Variants in SHANK2 observed in about 807,000 individuals in gnomAD.
SHANK2 encodes the protein SH3 and multiple ankyrin repeat domains protein 2.
In SHANK2, 43 loss-of-function variants were observed where a neutral mutation model predicts 133.7. The ratio of observed to expected loss-of-function variants is 0.32; its 90% CI spans 0.25 to 0.41. The LOEUF (loss-of-function observed/expected upper bound fraction) is 0.41. Among genes scored for constraint, SHANK2 ranks in the 10% least tolerant of loss-of-function variants. SHANK2 has a pLI of 1.00. For missense variants in SHANK2, 1,994 were observed against 2,235.8 expected (o/e 0.89, Z 2.18); for synonymous variants, 1,017 against 952.8 (o/e 1.07, Z -1.24).
intron 1 of SHANK2, among the ~76,000 whole-genome samples, chr11:71,243,806 C>G (rs1954924303): frequency 6.6e-6 from 1 of 152,132 alleles, no homozygotes; most frequent in Admixed American, 6.5e-5. Context: ...CACAAACTAA[C>G]AAACTTGACT....
At chr11:71,198,921 C>T (rs782259122) in intron 2 of SHANK2, among the ~76,000 whole-genome samples, 58 of 152,184 alleles carry the variant, frequency 3.8e-4, no homozygotes, top group Admixed American at 2.6e-4. Context: ...CTGTGATGCT[C>T]GGCCCAGCAT....
At position 70,480,376 on chromosome 11, in the gene SHANK2, T is replaced by C. The variant is rs190147283; in HGVS notation, c.4979+4938A>G. 8.7e-4 allele frequency among the ~76,000 whole-genome samples: 132 copies of C among 152,332 alleles called. 1 individual carries two copies. The highest frequency in any genetic ancestry group is 1.4e-3 in the Non-Finnish European group (94 of 68,042). On this transcript the variant is annotated intron_variant, in intron 25 of 25. Coordinates refer to ENST00000601538, the MANE Select transcript of SHANK2 (RefSeq NM_012309.5). The stretch of plus-strand genomic sequence containing the variant: ...CTGCTAGGGCATCCTAGTCCGCCCT[T>C]TCTGCATGTGGTCAGGGTTAACCTG...
chr11:71,111,494 A>C (rs1331205846), intron 5 of SHANK2, among the ~76,000 whole-genome samples: 2 of 152,196 alleles, frequency 1.3e-5, no homozygotes, highest in Non-Finnish European at 2.9e-5. Flanking sequence ...GCCCATCCAG[A>C]GCCAGTCTGG....
At chr11:70,622,196 C>T (rs1392119528) in intron 17 of SHANK2, among the ~76,000 whole-genome samples, 2 of 152,162 alleles carry the variant, frequency 1.3e-5, no homozygotes, top group Non-Finnish European at 2.9e-5. Context: ...ATGGAATGGA[C>T]GTCTCCAATC....
intron 11 of SHANK2, among the ~76,000 whole-genome samples, chr11:70,884,983 A>C (rs1949715473): frequency 1.3e-5 from 2 of 152,178 alleles, no homozygotes; most frequent in African/African-American, 2.4e-5. Context: ...AGCCTACCAA[A>C]GTGCTGGGAT....
chr11:71,069,250 T>C (rs1160030116), intron 9 of SHANK2, among the ~76,000 whole-genome samples: 1 of 150,586 alleles, frequency 6.6e-6, no homozygotes, highest in Non-Finnish European at 1.5e-5. Context: ...TTACCATGGT[T>C]ACTGTCACCA....
intron 12 of SHANK2, among the ~76,000 whole-genome samples, chr11:70,808,312 C>T (rs1158771894): frequency 1.3e-5 from 2 of 152,054 alleles, no homozygotes; most frequent in African/African-American, 4.8e-5. Flanking sequence ...AGCGATTCTC[C>T]TGCCTCAGCC....
At chr11:70,617,068 AGT>A (rs1387533347) in intron 17 of SHANK2, among the ~76,000 whole-genome samples, 2 of 150,748 alleles carry the variant, frequency 1.3e-5, no homozygotes, top group African/African-American at 4.9e-5. Context: ...GCAGTGTCTG[AGT>A]GTGTGTATAT....
intron 11 of SHANK2, among the ~76,000 whole-genome samples, chr11:70,880,092 G>A (rs1004514626): frequency 2.0e-5 from 3 of 152,182 alleles, no homozygotes; most frequent in Non-Finnish European, 2.9e-5. Context: ...CAAGCTCCCC[G>A]GCTAGCCTTG....
At chr11:71,167,305 CA>C (rs1953173695) in intron 2 of SHANK2, among the ~76,000 whole-genome samples, 1 of 152,258 alleles carries the variant, frequency 6.6e-6, no homozygotes, top group African/African-American at 2.4e-5. Flanking sequence ...CTGTTGGGTA[CA>C]CCTCCCAGAC....
chr11:71,104,536 G>A (rs184029196), intron 6 of SHANK2, among the ~76,000 whole-genome samples: 1 of 152,342 alleles, frequency 6.6e-6, no homozygotes, highest in East Asian at 1.9e-4. Context: ...CTGGCCTCTC[G>A]TTGGAACTTG....
chr11:70,724,902 C>T (rs546584154), intron 14 of SHANK2, among the ~76,000 whole-genome samples: 1 of 152,306 alleles, frequency 6.6e-6, no homozygotes, highest in East Asian at 1.9e-4. Flanking sequence ...ATACACCCTA[C>T]AGGGGAGGAG....
intron 14 of SHANK2, among the ~76,000 whole-genome samples, chr11:70,775,882 G>A (rs1555043833): frequency 2.0e-5 from 3 of 152,216 alleles, no homozygotes; most frequent in South Asian, 2.1e-4. Flanking sequence ...GTTTCCCATC[G>A]TCTATTTCAG....
At chr11:70,527,168 A>G (rs1264839994) in intron 17 of SHANK2, among the ~76,000 whole-genome samples, 1 of 152,054 alleles carries the variant, frequency 6.6e-6, no homozygotes, top group African/African-American at 2.4e-5. Flanking sequence ...GGGGAGGGAG[A>G]GCCCAGAGAC....
intron 11 of SHANK2, among the ~76,000 whole-genome samples, chr11:70,867,571 G>A (rs1047506081): frequency 2.0e-5 from 3 of 152,254 alleles, no homozygotes; most frequent in Admixed American, 6.5e-5. Flanking sequence ...AGTCTGCCCA[G>A]GCCACCGGCT....
intron 14 of SHANK2, among the ~76,000 whole-genome samples, chr11:70,708,017 G>A (rs1249640182): frequency 6.6e-6 from 1 of 152,222 alleles, no homozygotes; most frequent in Non-Finnish European, 1.5e-5. Context: ...CACAGCTGGG[G>A]CGACAAGGCT....
intron 11 of SHANK2, among the ~76,000 whole-genome samples, chr11:70,891,049 T>C (rs896664804): frequency 2.0e-5 from 3 of 152,100 alleles, no homozygotes; most frequent in South Asian, 2.1e-4. Flanking sequence ...CTTCAGGACC[T>C]GCCATTTCAG....
intron 17 of SHANK2, among the ~76,000 whole-genome samples, chr11:70,515,886 A>G (rs1554969977): frequency 6.6e-6 from 1 of 152,150 alleles, no homozygotes; most frequent in Admixed American, 6.5e-5. Context: ...TGATCATTTC[A>G]GAAAGAACAT....
At position 71,252,576 on chromosome 11, in the gene SHANK2, A is replaced by AGGACCC. The variant is rs1555126037; in HGVS notation, c.-265_-264insGGGTCC. 1.3e-5 allele frequency: 2 copies of AGGACCC among 150,470 alleles called. No homozygotes were observed. Among genetic ancestry groups the AGGACCC allele is most frequent in the African/African-American group, 4.9e-5 (2 of 41,192 alleles). 9.3% of individuals were successfully genotyped at this position (150,470 alleles called of 1,614,324 possible). On this transcript the variant is annotated 5_prime_UTR_variant, in exon 1 of 26. Coordinates refer to ENST00000601538, the MANE Select transcript of SHANK2 (RefSeq NM_012309.5). This position sits in a 1 kb window ranked among gnomAD's most constrained non-coding sequence, Gnocchi z 6.3. ...GCGGCTCAGGTGCAGGGGGTGGGGA[A>AGGACCC]GGACCCGGCCCCGCCCGGCGCGGGA...
Sources: allele counts gnomAD v4.1 joint callset (sites outside exome capture counted in the v4.1 genomes callset), GRCh38; gene constraint gnomAD v4.1.1; non-coding constraint Gnocchi (gnomAD v3.1); transcripts MANE v1.5; gene names NCBI Gene and HGNC (gene_info 2026-07-23, HGNC 2026-07-21).